TENT4A: variants seen among roughly 807,000 people sequenced by gnomAD.
TENT4A encodes terminal nucleotidyltransferase 4A.
TENT4A carries 7 observed loss-of-function variants against 72.8 expected under a neutral mutation model. The observed-to-expected ratio is 0.10, with a 90% CI of 0.05 to 0.18. The LOEUF (loss-of-function observed/expected upper bound fraction) is 0.18, where lower values mean the gene tolerates loss of function less well. Among genes scored for constraint, TENT4A ranks in the 10% least tolerant of loss-of-function variants. The probability of loss-of-function intolerance (pLI) is 1.00; values close to 1 mark genes in which losing one functional copy is unlikely to be tolerated. For synonymous variants in TENT4A, 456 were observed against 434.3 expected (o/e 1.05, Z -0.62); for missense variants, 831 against 1,017.7 (o/e 0.82, Z 2.50).
chr5:6,724,066 A>G (rs1362004999), intron 1 of TENT4A, among the ~76,000 whole-genome samples: 3 of 152,242 alleles, frequency 2.0e-5, no homozygotes, highest in East Asian at 3.8e-4. Flanking sequence ...CAGTCTCGCA[A>G]TCCTGGACTA....
chr5:6,717,803 C>T (rs775188333), intron 1 of TENT4A, among the ~76,000 whole-genome samples: 9 of 152,354 alleles, frequency 5.9e-5, no homozygotes, highest in Non-Finnish European at 1.0e-4. Flanking sequence ...GTGCTCTCAT[C>T]CCCTGACCCA....
intron 10 of TENT4A, 83 bp downstream of exon 10, chr5:6,750,586 C>T (rs1742348282): frequency 3.0e-6 from 4 of 1,327,298 alleles, no homozygotes; most frequent in Non-Finnish European, 4.1e-6. Context: ...TTAAAATCTC[C>T]CCCTTGGTTT....
chr5:6,735,917 C>T (rs988462182), intron 1 of TENT4A, among the ~76,000 whole-genome samples: 4 of 152,094 alleles, frequency 2.6e-5, no homozygotes, highest in Admixed American at 6.5e-5. Context: ...TGTGCCACCA[C>T]GCCTGGCTAA....
intron 1 of TENT4A, among the ~76,000 whole-genome samples, chr5:6,728,442 A>G (rs1741050928): frequency 6.6e-6 from 1 of 152,182 alleles, no homozygotes; most frequent in Admixed American, 6.5e-5. Flanking sequence ...GGCACTTGGG[A>G]GAACGCCTTC....
chr5:6,743,102 C>T (rs888469669), intron 5 of TENT4A, among the ~76,000 whole-genome samples: 4 of 152,148 alleles, frequency 2.6e-5, no homozygotes, highest in Non-Finnish European at 5.9e-5. Context: ...GGCAGACGCA[C>T]CTCCGGGTGG....
At chr5:6,747,784 TTAACC>T (rs1293413029) in intron 7 of TENT4A, among the ~76,000 whole-genome samples, 2 of 152,258 alleles carry the variant, frequency 1.3e-5, no homozygotes, top group African/African-American at 4.8e-5. Flanking sequence ...AAATCCACAC[TTAACC>T]TGATTGTGAA....
At chr5:6,748,174 G>T (rs966399759) in intron 7 of TENT4A, among the ~76,000 whole-genome samples, 1 of 152,240 alleles carries the variant, frequency 6.6e-6, no homozygotes, top group Non-Finnish European at 1.5e-5. Flanking sequence ...CTCCGTCTGT[G>T]AATGGCAGCC....
In TENT4A at chr5:6,714,501, C is replaced by T. The variant is rs1740259162; in HGVS notation, c.518C>T (p.Ala173Val). The change falls in exon 1 of 13, where the codon GCG becomes GTG. Residue 173 changes from alanine (A) to valine (V), a missense_variant. This residue lies in a region of TENT4A where 302 missense variants were observed against 293.8 expected (regional missense o/e 1.03). Coordinates refer to ENST00000230859, the MANE Select transcript of TENT4A (RefSeq NM_006999.6). ...GGGCACCCCGGGCCGCGCGGCCCCG[C>T]GCCCGCCGGCTCCCCGTCGCAGCAC... ...ANGHPGPRGP[A>V]PAGSPSQHQF... 21 of 1,187,498 alleles carry T rather than the reference C, an allele frequency of 1.8e-5. No homozygotes were observed. The highest frequency in any genetic ancestry group is 4.5e-5 in the Admixed American group (1 of 22,054). The allele number at this position is 1,187,498 out of a possible 1,614,324, so 73.6% of individuals were successfully genotyped here.
chr5:6,750,601 C>A, intron 10 of TENT4A, 98 bp downstream of exon 10: 2 of 1,223,832 alleles, frequency 1.6e-6, no homozygotes, highest in South Asian at 1.5e-5. Flanking sequence ...TGGTTTTGCT[C>A]AGGTTTTGTT....
chr5:6,727,393 G>C (rs1210319053), intron 1 of TENT4A, among the ~76,000 whole-genome samples: 1 of 152,242 alleles, frequency 6.6e-6, no homozygotes, highest in South Asian at 2.1e-4. Flanking sequence ...TCTGCATCCT[G>C]ACCTTCTGAG....
In TENT4A at chr5:6,745,996, A is replaced by G. The variant is rs1021414629; in HGVS notation, c.1246-218A>G. The G allele has an allele frequency of 2.2e-5, 30 of 1,377,342 alleles. No individual in the cohort carries two copies. The Admixed American group carries it at 9.4e-4, about 43-fold the overall frequency. The allele number at this position is 1,377,342 out of a possible 1,614,324, so 85.3% of individuals were successfully genotyped here. A position where few individuals can be genotyped will look rare whatever the true frequency, so the allele number is the denominator to read the frequency against. ...GTATGGATTACCAATTTCAAAAATC[A>G]AACTACACTAAAATTCAGATGAGTC... On this transcript the variant is annotated intron_variant, in intron 6 of 12. Coordinates refer to ENST00000230859, the MANE Select transcript of TENT4A (RefSeq NM_006999.6).
intron 1 of TENT4A, among the ~76,000 whole-genome samples, chr5:6,719,886 G>A (rs531691018): frequency 2.0e-5 from 3 of 152,308 alleles, no homozygotes; most frequent in African/African-American, 7.2e-5. Context: ...TCAGATCAGG[G>A]ATGGCGGGGC....
At chr5:6,751,745 G>A (rs950691157) in intron 11 of TENT4A, among the ~76,000 whole-genome samples, 1 of 152,142 alleles carries the variant, frequency 6.6e-6, no homozygotes, top group African/African-American at 2.4e-5. Flanking sequence ...ATCTACTTGC[G>A]ATTATACATC....
At chr5:6,717,905 G>C (rs536931204) in intron 1 of TENT4A, among the ~76,000 whole-genome samples, 2 of 152,310 alleles carry the variant, frequency 1.3e-5, no homozygotes, top group Non-Finnish European at 2.9e-5. Flanking sequence ...GTGAGAGTGG[G>C]AGCATGGCCC....
Position 6,746,338 on chromosome 5 carries a change from G to C in TENT4A, c.1370G>C (p.Gly457Ala). The C allele has an allele frequency of 6.2e-7, 1 of 1,614,166 alleles. No homozygotes were observed. The highest frequency in any genetic ancestry group is 8.5e-7 in the Non-Finnish European group (1 of 1,180,020). Reference protein sequence around the residue: ...LKTGIRIKEGGAYIAKEEIMK... With the variant: ...LKTGIRIKEGAAYIAKEEIMK... ...ACCGGTATTAGAATCAAAGAAGGAG[G>C]TGCCTATATCGCCAAAGAGGAGATC... Residue 457 changes from glycine (G) to alanine (A), a missense_variant, in exon 7 of 13, where the codon GGT becomes GCT. Gly to Ala is a moderately conservative substitution (Grantham distance 60). Transcript: ENST00000230859.
intron 1 of TENT4A, among the ~76,000 whole-genome samples, chr5:6,730,412 C>T (rs1263764609): frequency 6.6e-6 from 1 of 152,206 alleles, no homozygotes; most frequent in African/African-American, 2.4e-5. Flanking sequence ...GAATGTTAGT[C>T]GGTCTTAACC....
chr5:6,743,869 G>T, intron 6 of TENT4A, 29 bp downstream of exon 6: 1 of 1,609,528 alleles, frequency 6.2e-7, no homozygotes, highest in Non-Finnish European at 8.5e-7. Flanking sequence ...GACTGTTTCT[G>T]TTGAGACATG....
In TENT4A at chr5:6,746,310, A is replaced by G. The variant is rs765200918; in HGVS notation, c.1342A>G (p.Lys448Glu). Residue 448 changes from lysine to glutamate, a missense_variant, in exon 7 of 13, where the codon AAA becomes GAA. Transcript: ENST00000230859. ...CTATGGGAGAAATTTTAATTACTTGAAAACCGGTATTAGAATCAAAGAAGG... is the reference window on the plus strand; with the variant it reads ...CTATGGGAGAAATTTTAATTACTTGGAAACCGGTATTAGAATCAAAGAAGG... Reference protein sequence around the residue: ...ELYGRNFNYLKTGIRIKEGGA... With the variant: ...ELYGRNFNYLETGIRIKEGGA... The G allele has an allele frequency of 6.2e-7, 1 of 1,614,198 alleles. No individual in the cohort carries two copies. Among genetic ancestry groups the G allele is most frequent in the Admixed American group, 1.7e-5 (1 of 60,028 alleles).
In TENT4A at chr5:6,752,900, C is replaced by G; in HGVS notation, c.2047C>G (p.Leu683Val). The G allele has an allele frequency of 1.9e-6, 3 of 1,614,090 alleles. No homozygotes were observed. The highest frequency in any genetic ancestry group is 1.7e-6 in the Non-Finnish European group (2 of 1,179,990). Reference protein sequence around the residue: ...QTRFTIPPPTLGVAPVPCRQA... With the variant: ...QTRFTIPPPTVGVAPVPCRQA... ...CAGGTTTACTATACCTCCACCGACCCTAGGGGTTGCTCCTGTTCCTTGCAG... is the reference window on the plus strand; with the variant it reads ...CAGGTTTACTATACCTCCACCGACCGTAGGGGTTGCTCCTGTTCCTTGCAG... Residue 683 changes from leucine (L) to valine (V), a missense_variant, in exon 12 of 13, where the codon CTA becomes GTA. By Grantham distance (32) the Leu-to-Val change is conservative (BLOSUM62 1). Coordinates refer to ENST00000230859, the MANE Select transcript of TENT4A (RefSeq NM_006999.6).
Sources: gnomAD v4.1 joint callset for allele counts (sites outside exome capture counted in the v4.1 genomes callset) on GRCh38, gnomAD v4.1.1 for gene constraint, gnomAD v4.1.1 regional missense constraint, MANE v1.5 for transcripts, NCBI Gene and HGNC (gene_info 2026-07-23, HGNC 2026-07-21) for gene names.